Variants in MITF observed in about 807,000 individuals in gnomAD.
The protein encoded by MITF is melanocyte inducing transcription factor, also known as microphthalmia-associated transcription factor.
In MITF, 17 loss-of-function variants were observed where a neutral mutation model predicts 60.5. The ratio of observed to expected loss-of-function variants is 0.28; its 90% confidence interval spans 0.19 to 0.42. The LOEUF is 0.42. Among genes scored for constraint, MITF ranks in the 10% least tolerant of loss-of-function variants. MITF has a pLI of 1.00. For synonymous variants in MITF, 260 were observed against 248.5 expected, an observed-to-expected ratio of 1.05 and a Z score of -0.43; for missense variants, 622 against 683.5, an observed-to-expected ratio of 0.91 and a Z score of 1.00.
chr3:69,871,624 G>T (rs1171449803), intron 1 of MITF, among the ~76,000 whole-genome samples: 1 of 152,208 alleles, frequency 6.6e-6, no homozygotes, highest in African/African-American at 2.4e-5. Context: ...TCAACACAAT[G>T]TTGGAAACTT....
intron 1 of MITF, among the ~76,000 whole-genome samples, chr3:69,755,064 T>G (rs1704083459): frequency 6.6e-6 from 1 of 152,186 alleles, no homozygotes; most frequent in Non-Finnish European, 1.5e-5. Context: ...GTGGGATGCC[T>G]AACAGGAAGA....
At chr3:69,758,039 GTGTC>G (rs1189977693) in intron 1 of MITF, among the ~76,000 whole-genome samples, 1 of 134,598 alleles carries the variant, frequency 7.4e-6, no homozygotes, top group African/African-American at 2.7e-5. Context: ...GTGTGTGTGT[GTGTC>G]TATATATATA....
chr3:69,956,866 G>A (rs1239206709), intron 8 of MITF, among the ~76,000 whole-genome samples: 1 of 152,176 alleles, frequency 6.6e-6, no homozygotes, highest in Non-Finnish European at 1.5e-5. Flanking sequence ...ACTTTCAATA[G>A]TTGTTAAAGC....
At chr3:69,928,051 A>C (rs2065634093) in intron 2 of MITF, among the ~76,000 whole-genome samples, 1 of 152,244 alleles carries the variant, frequency 6.6e-6, no homozygotes, top group African/African-American at 2.4e-5. Flanking sequence ...AAGCAGCCAT[A>C]GACTATACTT....
chr3:69,793,837 G>A (rs1228736227), intron 1 of MITF, among the ~76,000 whole-genome samples: 1 of 152,054 alleles, frequency 6.6e-6, no homozygotes, highest in Non-Finnish European at 1.5e-5. Flanking sequence ...ATGCCATTTT[G>A]GTATCCATAA....
At chr3:69,934,781 A>G (rs2065795524) in intron 2 of MITF, among the ~76,000 whole-genome samples, 1 of 152,226 alleles carries the variant, frequency 6.6e-6, no homozygotes, top group African/African-American at 2.4e-5. Flanking sequence ...AACCTAGGCT[A>G]TCTCCAAGGG....
Position 69,894,029 on chromosome 3 carries a change from T to G in MITF, c.354+14646T>G, listed in dbSNP as rs549069677. On this transcript the variant is annotated intron_variant, in intron 2 of 9. Coordinates refer to ENST00000352241, the MANE Select transcript of MITF (RefSeq NM_001354604.2). ...ATAGACATCAGGCTATCAAAATGTT[T>G]CTTGATTCTGAAATTAAACTTTCAC... Among the ~76,000 whole-genome samples, 3 of 152,332 alleles carry G rather than the reference T, an allele frequency of 2.0e-5. No homozygotes were observed. The South Asian group carries it at 6.2e-4, about 32-fold the overall frequency.
At chr3:69,881,758 T>C (rs537714563) in intron 2 of MITF, among the ~76,000 whole-genome samples, 1 of 152,202 alleles carries the variant, frequency 6.6e-6, no homozygotes, top group African/African-American at 2.4e-5. Flanking sequence ...TCCATGAATA[T>C]ATATTTTCAA....
intron 1 of MITF, among the ~76,000 whole-genome samples, chr3:69,767,355 G>A (rs1464855007): frequency 6.6e-6 from 1 of 152,082 alleles, no homozygotes; most frequent in Admixed American, 6.5e-5. Context: ...AGACTGAGGT[G>A]GGTGGGTCAC....
chr3:69,914,648 C>T (rs1430556826), intron 2 of MITF, among the ~76,000 whole-genome samples: 2 of 152,078 alleles, frequency 1.3e-5, no homozygotes, highest in Non-Finnish European at 2.9e-5. Context: ...CTGATGTCAT[C>T]ATTGTGCGGT....
chr3:69,942,286 A>G (rs781669229), intron 5 of MITF, among the ~76,000 whole-genome samples: 8 of 152,248 alleles, frequency 5.3e-5, no homozygotes, highest in Admixed American at 3.3e-4. Context: ...CTACTGAACC[A>G]TACACTTAAA....
intron 1 of MITF, among the ~76,000 whole-genome samples, chr3:69,773,657 A>T (rs1352830187): frequency 6.6e-6 from 1 of 152,106 alleles, no homozygotes; most frequent in African/African-American, 2.4e-5. Flanking sequence ...CTCCTTGAGT[A>T]TGCATAGCTG....
intron 1 of MITF, among the ~76,000 whole-genome samples, chr3:69,857,136 T>C (rs112684629): frequency 0.025 from 3,772 of 152,150 alleles, 149 homozygotes; most frequent in African/African-American, 0.087. Flanking sequence ...CTTTATGGAA[T>C]TCAGAATCTA....
At chr3:69,864,723 G>C (rs1197402170) in intron 1 of MITF, among the ~76,000 whole-genome samples, 1 of 151,964 alleles carries the variant, frequency 6.6e-6, no homozygotes, top group African/African-American at 2.4e-5. Flanking sequence ...GTCTGGTCCT[G>C]GTCACTGTGT....
chr3:69,753,890 GA>G (rs1704030677), intron 1 of MITF, among the ~76,000 whole-genome samples: 1 of 152,190 alleles, frequency 6.6e-6, no homozygotes, highest in South Asian at 2.1e-4. Context: ...CCTTATCTCA[GA>G]TGAGACTTTG....
intron 2 of MITF, among the ~76,000 whole-genome samples, chr3:69,913,997 T>G (rs1333599483): frequency 6.6e-6 from 1 of 152,244 alleles, no homozygotes; most frequent in African/African-American, 2.4e-5. Flanking sequence ...GAAGTTGTTT[T>G]CATGGGCTTT....
intron 1 of MITF, among the ~76,000 whole-genome samples, chr3:69,834,492 A>C (rs990151657): frequency 3.9e-5 from 6 of 152,174 alleles, no homozygotes; most frequent in Admixed American, 3.9e-4. Context: ...TGTTGCTGCA[A>C]ATGACAGGAG....
intron 8 of MITF, among the ~76,000 whole-genome samples, chr3:69,956,754 A>T (rs2066408791): frequency 6.6e-6 from 1 of 152,172 alleles, no homozygotes; most frequent in African/African-American, 2.4e-5. Flanking sequence ...TGGACACTAG[A>T]TGTTTTGGTT....
At chr3:69,794,234 A>G (rs981877861) in intron 1 of MITF, among the ~76,000 whole-genome samples, 2 of 152,182 alleles carry the variant, frequency 1.3e-5, no homozygotes, top group Non-Finnish European at 1.5e-5. Flanking sequence ...TATATATATA[A>G]TTATTTAAGT....
Sources: gnomAD v4.1 joint callset for allele counts (sites outside exome capture counted in the v4.1 genomes callset) on GRCh38, gnomAD v4.1.1 for gene constraint, MANE v1.5 for transcripts, NCBI Gene and HGNC (gene_info 2026-07-23, HGNC 2026-07-21) for gene names.